The following SNRPN variants were observed in gnomAD, a reference collection of about 807,000 sequenced individuals.
SNRPN encodes the protein small nuclear ribonucleoprotein polypeptide N.
SNRPN carries 7 observed loss-of-function variants against 25.2 expected under a neutral mutation model. That is an observed-to-expected ratio of 0.28 (90% CI 0.16 to 0.52). The LOEUF (loss-of-function observed/expected upper bound fraction) is 0.52, where lower values mean the gene tolerates loss of function less well. Among genes scored for constraint, SNRPN ranks in the 20% least tolerant of loss-of-function variants. The probability of loss-of-function intolerance (pLI) is 0.96; values close to 1 mark genes in which losing one functional copy is unlikely to be tolerated. For synonymous variants in SNRPN, 124 were observed against 110.6 expected, an observed-to-expected ratio of 1.12 and a Z score of -0.76; for missense variants, 196 against 322.5, an observed-to-expected ratio of 0.61 and a Z score of 3.00.
chr15:24,915,086 G>A (rs970215323), intron 2 of SNRPN, among the ~76,000 whole-genome samples: 1 of 151,646 alleles, frequency 6.6e-6, no homozygotes, highest in African/African-American at 2.4e-5. Context: ...AGATATCAAG[G>A]GTGATCAGAT....
chr15:24,902,492 C>T (rs2058526409), intron 2 of SNRPN, among the ~76,000 whole-genome samples: 1 of 152,134 alleles, frequency 6.6e-6, no homozygotes, highest in African/African-American at 2.4e-5. Flanking sequence ...ACTGTGTCTG[C>T]AATTCGTTCC....
At chr15:24,977,086 C>A in intron 7 of SNRPN, 57 bp downstream of exon 7, 1 of 1,413,886 alleles carries the variant, frequency 7.1e-7, no homozygotes, top group Non-Finnish European at 9.5e-7. Flanking sequence ...AGCCGGAGGC[C>A]GAGGAGATTT....
chr15:24,864,329 C>T (rs2054331930), intron 1 of SNRPN, among the ~76,000 whole-genome samples: 1 of 132,502 alleles, frequency 7.5e-6, no homozygotes, highest in Non-Finnish European at 1.6e-5. Context: ...CTCCCGGCCC[C>T]TCTTCTTTTC....
intron 1 of SNRPN, among the ~76,000 whole-genome samples, chr15:24,882,683 G>A (rs1408336364): frequency 2.0e-5 from 3 of 151,846 alleles, no homozygotes; most frequent in Admixed American, 6.6e-5. Context: ...AAATTAGCTG[G>A]GCGTGGTGGT....
intron 2 of SNRPN, among the ~76,000 whole-genome samples, chr15:24,889,557 G>A (rs938672665): frequency 2.3e-4 from 35 of 151,334 alleles, no homozygotes; most frequent in Non-Finnish European, 8.8e-5. Context: ...CACCCGCCTC[G>A]GCCTCCCAAA....
rs2060612308 is a variant in SNRPN at position 24,929,012 on chromosome 15, C to G, written c.-391+8888C>G. ...CACTATTAAATCAGCTGTGTTTTTT[C>G]CAAGGAATCCTGATTTCTATTGTGG... On this transcript the variant is annotated intron_variant, in intron 3 of 11. Transcript: ENST00000400097. This position sits in a 1 kb window ranked among gnomAD's most constrained non-coding sequence, Gnocchi z 5.3. Among the ~76,000 whole-genome samples, 1 of 151,964 alleles carries G rather than the reference C, an allele frequency of 6.6e-6. No individual in the cohort carries two copies. The highest frequency in any genetic ancestry group is 1.5e-5 in the Non-Finnish European group (1 of 67,992).
intron 1 of SNRPN, chr15:24,856,723 T>C (rs1464718614): frequency 2.0e-5 from 3 of 152,254 alleles, no homozygotes; most frequent in South Asian, 2.1e-4. Context: ...CCTGGTAATA[T>C]TCATTCTTGC....
rs780574460 is a variant in SNRPN at position 24,978,394 on chromosome 15, A to G, written c.686-13A>G. On this transcript the variant is annotated splice_polypyrimidine_tract_variant and intron_variant, in intron 9 of 9. Transcript: ENST00000390687. The stretch of plus-strand genomic sequence containing the variant: ...GTATCCTCTTTTTCTCAATGTTTCT[A>G]TTTCCTTTCCAGGTCCACCTCCCCC... 3.7e-6 allele frequency: 6 copies of G among 1,613,804 alleles called. No homozygotes were observed. Among genetic ancestry groups the G allele is most frequent in the Non-Finnish European group, 4.2e-6 (5 of 1,179,908 alleles).
intron 1 of SNRPN, among the ~76,000 whole-genome samples, chr15:24,828,884 A>C (rs1203707733): frequency 6.6e-6 from 1 of 152,140 alleles, no homozygotes; most frequent in Non-Finnish European, 1.5e-5. Flanking sequence ...ATGATAGAGC[A>C]GCGTGGCCCA....
intron 1 of SNRPN, 101 bp downstream of exon 1, chr15:24,955,163 C>A (rs528860907): frequency 6.6e-7 from 1 of 1,504,640 alleles, no homozygotes; most frequent in Non-Finnish European, 9.1e-7. Context: ...ACTGAATAAA[C>A]GGAATTTGGG....
At chr15:24,976,264 C>G in intron 5 of SNRPN, 41 bp from the exon 6 acceptor site, 3 of 1,416,992 alleles carry the variant, frequency 2.1e-6, no homozygotes, top group Non-Finnish European at 3.0e-6. Context: ...AGTGAGTGAT[C>G]ACTAAAATTT....
intron 3 of SNRPN, among the ~76,000 whole-genome samples, chr15:24,941,008 G>C (rs2061517021): frequency 6.6e-6 from 1 of 152,122 alleles, no homozygotes; most frequent in South Asian, 2.1e-4. Context: ...TTGAGACAGA[G>C]TCTCACAGCC....
chr15:24,894,397 T>G (rs1269242072), intron 2 of SNRPN, among the ~76,000 whole-genome samples: 4 of 152,090 alleles, frequency 2.6e-5, no homozygotes, highest in Non-Finnish European at 5.9e-5. Context: ...TTTTTGTATT[T>G]TTAGTAGAGA....
intron 1 of SNRPN, among the ~76,000 whole-genome samples, chr15:24,960,805 A>G (rs2074662504): frequency 6.6e-6 from 1 of 152,296 alleles, no homozygotes; most frequent in East Asian, 1.9e-4. Context: ...TTGAGGTGTG[A>G]GTGACATACA....
intron 1 of SNRPN, among the ~76,000 whole-genome samples, chr15:24,956,377 T>G (rs2153368745): frequency 6.8e-6 from 1 of 146,412 alleles, no homozygotes; most frequent in Non-Finnish European, 1.5e-5. Flanking sequence ...GCTTCCTCCC[T>G]GTAGAGCCGC....
chr15:24,836,507 T>G (rs151223087), intron 2 of SNRPN, among the ~76,000 whole-genome samples: 21,463 of 151,644 alleles, frequency 0.14, 1,745 homozygotes, highest in African/African-American at 0.21. Context: ...TGCGTCCCGT[T>G]TTCAAGCGAT....
At chr15:24,958,594 C>G (rs1324762341) in intron 1 of SNRPN, 1 of 148,996 alleles carries the variant, frequency 6.7e-6, no homozygotes, top group Non-Finnish European at 1.5e-5. Flanking sequence ...CCTCTCCCTC[C>G]TCAGTCTCTC....
chr15:24,848,270 G>GGGCGGA (rs2052428876), intron 2 of SNRPN: 1 of 148,358 alleles, frequency 6.7e-6, no homozygotes, highest in African/African-American at 2.5e-5. Flanking sequence ...GCGGGGGCGG[G>GGGCGGA]GGCAGATCCT....
Position 24,968,019 on chromosome 15 carries a change from G to C in SNRPN, c.-207G>C, listed in dbSNP as rs780059834. On this transcript the variant is annotated 5_prime_UTR_variant, in exon 3 of 10. Coordinates refer to ENST00000390687, the MANE Select transcript of SNRPN (RefSeq NM_003097.6). ...AACTGAGGCAGGCATTCTTAGCTGAGACACCAAGAGGTGGTTAAAGCCATA... is the reference window on the plus strand; with the variant it reads ...AACTGAGGCAGGCATTCTTAGCTGACACACCAAGAGGTGGTTAAAGCCATA... The C allele has an allele frequency of 6.2e-7, 1 of 1,614,058 alleles. No homozygotes were observed. The highest frequency in any genetic ancestry group is 2.2e-5 in the East Asian group (1 of 44,872).
Sources: gnomAD v4.1 joint callset for allele counts (sites outside exome capture counted in the v4.1 genomes callset) on GRCh38, gnomAD v4.1.1 for gene constraint, Gnocchi (gnomAD v3.1) non-coding constraint, MANE v1.5 for transcripts, NCBI Gene and HGNC (gene_info 2026-07-23, HGNC 2026-07-21) for gene names.